TEK: variants seen among roughly 807,000 people sequenced by gnomAD.
TEK encodes TEK receptor tyrosine kinase.
Under a neutral mutation model 131.8 loss-of-function variants are expected in TEK, and 43 were observed. The ratio of observed to expected loss-of-function variants is 0.33; its 90% CI spans 0.26 to 0.42. The LOEUF (loss-of-function observed/expected upper bound fraction) is 0.42. Ranked by LOEUF, TEK falls within the 10% of genes least tolerant of loss-of-function variation. The probability of loss-of-function intolerance (pLI) is 1.00; values close to 1 mark genes in which losing one functional copy is unlikely to be tolerated. For missense variants in TEK, 1,162 were observed against 1,384.4 expected (o/e 0.84, Z 2.55); for synonymous variants, 580 against 491.6 (o/e 1.18, Z -2.38).
intron 4 of TEK, 110 bp from the exon 5 acceptor site, chr9:27,172,506 A>G: frequency 2.1e-6 from 3 of 1,459,642 alleles, no homozygotes; most frequent in Non-Finnish European, 2.8e-6. Context: ...CCTGTATTTT[A>G]TCTTTATTCA....
At chr9:27,216,955 C>G (rs1825839469) in intron 18 of TEK, among the ~76,000 whole-genome samples, 1 of 152,166 alleles carries the variant, frequency 6.6e-6, no homozygotes, top group Admixed American at 6.5e-5. Context: ...ATCATAGAGA[C>G]TTTGAGGAAA....
intron 1 of TEK, among the ~76,000 whole-genome samples, chr9:27,137,314 C>T (rs1054826824): frequency 2.0e-5 from 3 of 152,092 alleles, no homozygotes; most frequent in Non-Finnish European, 2.9e-5. Flanking sequence ...AATCAGATAC[C>T]CTAGTATCTA....
At position 27,137,997 on chromosome 9, in the gene TEK, C is replaced by A. The variant is rs550428302; in HGVS notation, c.53-19834C>A. 3.9e-5 allele frequency among the ~76,000 whole-genome samples: 6 copies of A among 152,174 alleles called. No homozygotes were observed. In the South Asian group the frequency reaches 1.0e-3, roughly 26 times the overall value. On this transcript the variant is annotated intron_variant, in intron 1 of 22. Transcript: ENST00000380036. ...AGTGGGTTTGTGGTCTCGCTGACTT[C>A]AGGAGTGAAGCCGCAAACCTTCCCA...
At chr9:27,126,616 C>T (rs1822000149) in intron 1 of TEK, among the ~76,000 whole-genome samples, 1 of 152,132 alleles carries the variant, frequency 6.6e-6, no homozygotes, top group South Asian at 2.1e-4. Context: ...ATAAAGTTTC[C>T]ATAGAAATAC....
chr9:27,228,375 A>C, intron 22 of TEK, 70 bp downstream of exon 22: 1 of 1,222,744 alleles, frequency 8.2e-7, no homozygotes, highest in Non-Finnish European at 1.2e-6. Context: ...TTCATAAAAA[A>C]CATTGAAATA....
intron 17 of TEK, 58 bp downstream of exon 17, chr9:27,212,955 G>A (rs1183102704): frequency 1.9e-6 from 3 of 1,568,566 alleles, no homozygotes; most frequent in African/African-American, 2.7e-5. Flanking sequence ...TCTAAAGTCA[G>A]TTTCAATATG....
Position 27,130,781 on chromosome 9 carries a change from T to C in TEK, c.52+21139T>C, listed in dbSNP as rs116580194. Among the ~76,000 whole-genome samples, 361 of 152,166 alleles carry C rather than the reference T, an allele frequency of 2.4e-3. 2 individuals are homozygous for C. Among genetic ancestry groups the C allele is most frequent in the African/African-American group, 8.0e-3 (334 of 41,512 alleles). ...TAGTAGAGATGGGATTTCAACATGT[T>C]GATCAGGCTGGTCTGACCTCGTGAT... On this transcript the variant is annotated intron_variant, in intron 1 of 22. Transcript: ENST00000380036.
At chr9:27,147,341 A>G (rs1008684987) in intron 1 of TEK, among the ~76,000 whole-genome samples, 3 of 151,838 alleles carry the variant, frequency 2.0e-5, no homozygotes, top group Admixed American at 6.6e-5. Context: ...ATGTTTAATG[A>G]TATTAAACAT....
intron 1 of TEK, among the ~76,000 whole-genome samples, chr9:27,111,283 G>GT (rs1821334583): frequency 1.3e-5 from 2 of 152,170 alleles, no homozygotes; most frequent in African/African-American, 4.8e-5. Flanking sequence ...AGCAAGGTTA[G>GT]TTTCTGAGGT....
At chr9:27,129,681 C>G (rs1328595177) in intron 1 of TEK, among the ~76,000 whole-genome samples, 2 of 152,170 alleles carry the variant, frequency 1.3e-5, no homozygotes, top group African/African-American at 4.8e-5. Flanking sequence ...TTGGCACAAG[C>G]AATAAAGAAG....
chr9:27,200,727 G>T (rs552344719), intron 12 of TEK, among the ~76,000 whole-genome samples: 2 of 152,050 alleles, frequency 1.3e-5, no homozygotes, highest in African/African-American at 4.8e-5. Flanking sequence ...TAGATTTGGC[G>T]TATCACCCCA....
intron 2 of TEK, 73 bp downstream of exon 2, chr9:27,158,215 T>G: frequency 1.3e-6 from 2 of 1,556,402 alleles, no homozygotes; most frequent in Non-Finnish European, 1.8e-6. Flanking sequence ...TGGCAGCTGC[T>G]CCCTCAGGGG....
chr9:27,126,199 C>T (rs1450410605), intron 1 of TEK, among the ~76,000 whole-genome samples: 2 of 152,162 alleles, frequency 1.3e-5, no homozygotes, highest in African/African-American at 4.8e-5. Flanking sequence ...TAACATTGAA[C>T]TCATAGCCAG....
At chr9:27,214,551 C>T (rs1825749044) in intron 18 of TEK, among the ~76,000 whole-genome samples, 1 of 152,136 alleles carries the variant, frequency 6.6e-6, no homozygotes, top group African/African-American at 2.4e-5. Flanking sequence ...TCTTTTTTTC[C>T]CATCATACTT....
At position 27,220,006 on chromosome 9, in the gene TEK, T is replaced by G. The variant is rs1014455240; in HGVS notation, c.3104-43T>G. On this transcript the variant is annotated intron_variant, in intron 20 of 22. Transcript: ENST00000380036. The stretch of plus-strand genomic sequence containing the variant: ...AAACCCTGGACAGGAAGCATTGCTT[T>G]TCATGCCAGAGAGGACTTAGAGTGG... 2.5e-6 allele frequency: 4 copies of G among 1,598,874 alleles called. No homozygotes were observed. In the African/African-American group the frequency reaches 4.0e-5, roughly 16 times the overall value.
intron 1 of TEK, among the ~76,000 whole-genome samples, chr9:27,114,163 A>T (rs1821455161): frequency 6.6e-6 from 1 of 152,230 alleles, no homozygotes. Flanking sequence ...TTTAATGTTT[A>T]GTAATTTCTG....
Position 27,169,372 on chromosome 9 carries a change from AT to A in TEK, c.476-101del, listed in dbSNP as rs545715380. 160 of 1,485,170 alleles carry A rather than the reference AT, an allele frequency of 1.1e-4. 2 individuals are homozygous for A. The African/African-American group carries it at 1.8e-3, about 17-fold the overall frequency. The allele number at this position is 1,485,170 out of a possible 1,614,324, so 92.0% of individuals were successfully genotyped here. A position where few individuals can be genotyped will look rare whatever the true frequency, so the allele number is the denominator to read the frequency against. On this transcript the variant is annotated intron_variant, in intron 3 of 22. Transcript: ENST00000380036. Reference sequence around the variant, plus strand: ...TCCCACATCCAATATGTGAGAGCACATTTTCTTGACCATGTCAGGGAAAGCT... The same window carrying A: ...TCCCACATCCAATATGTGAGAGCACATTTCTTGACCATGTCAGGGAAAGCT...
chr9:27,155,274 C>T (rs547575732), intron 1 of TEK, among the ~76,000 whole-genome samples: 128 of 152,238 alleles, frequency 8.4e-4, no homozygotes, highest in Non-Finnish European at 1.4e-3. Flanking sequence ...CTTTGTAGCT[C>T]GTCGTCTCTT....
chr9:27,171,638 G>A (rs562710794), intron 4 of TEK, among the ~76,000 whole-genome samples: 15 of 152,252 alleles, frequency 9.9e-5, no homozygotes, highest in African/African-American at 3.1e-4. Context: ...ATCTTTCCAC[G>A]TACCCAAGAC....
Sources: allele counts gnomAD v4.1 joint callset (sites outside exome capture counted in the v4.1 genomes callset), GRCh38; gene constraint gnomAD v4.1.1; transcripts MANE v1.5; gene names NCBI Gene and HGNC (gene_info 2026-07-23, HGNC 2026-07-21).